The following TMPRSS11B variants were observed in gnomAD, a reference collection of about 807,000 sequenced individuals.
TMPRSS11B encodes transmembrane serine protease 11B.
Under a neutral mutation model 44.7 loss-of-function variants are expected in TMPRSS11B, and 53 were observed. That is an observed-to-expected ratio of 1.19 (90% CI 0.95 to 1.49). The LOEUF (loss-of-function observed/expected upper bound fraction) is 1.49, where lower values mean the gene tolerates loss of function less well. Ranked by LOEUF, TMPRSS11B falls within the 40% of genes most tolerant of loss-of-function variation. The pLI is 0.00. For synonymous variants in TMPRSS11B, 140 were observed against 159.2 expected (o/e 0.88, Z 0.91); for missense variants, 526 against 494.8 (o/e 1.06, Z -0.60).
Position 68,228,818 on chromosome 4 carries a change from G to A in TMPRSS11B, c.1013C>T (p.Ser338Leu), listed in dbSNP as rs1281475014. ...AGTCACAAAGCCAGAGTATGCATAT[G>A]AGGCATTGCAAATTTTGTTGTCAAT... The part of the protein sequence containing the change: ...KIIDNKICNA[S>L]YAYSGFVTDT... The change falls in exon 9 of 10, where the codon TCA becomes TTA. Residue 338 changes from serine (S) to leucine (L), a missense_variant. Ser to Leu is a moderately radical substitution (Grantham distance 145). Coordinates refer to ENST00000332644, the MANE Select transcript of TMPRSS11B (RefSeq NM_182502.3). 1.2e-6 allele frequency: 2 copies of A among 1,613,670 alleles called. No homozygotes were observed. The highest frequency in any genetic ancestry group is 2.2e-5 in the East Asian group (1 of 44,868).
intron 2 of TMPRSS11B, among the ~76,000 whole-genome samples, chr4:68,236,818 C>T (rs1285434166): frequency 6.6e-6 from 1 of 152,082 alleles, no homozygotes; most frequent in Non-Finnish European, 1.5e-5. Flanking sequence ...CCTTCACTTT[C>T]TGGATGATAT....
intron 1 of TMPRSS11B, among the ~76,000 whole-genome samples, chr4:68,243,285 A>T (rs1719907662): frequency 6.6e-6 from 1 of 152,160 alleles, no homozygotes; most frequent in Non-Finnish European, 1.5e-5. Flanking sequence ...TGAGTATGTG[A>T]ACCTTTTTGT....
intron 1 of TMPRSS11B, among the ~76,000 whole-genome samples, chr4:68,242,357 T>TTA (rs1553896890): frequency 9.8e-5 from 6 of 61,072 alleles, no homozygotes; most frequent in African/African-American, 4.2e-4. Flanking sequence ...ATATATAATA[T>TTA]TATATTATAT....
chr4:68,242,453 TTGCAG>T (rs1719887939), intron 1 of TMPRSS11B, among the ~76,000 whole-genome samples: 3 of 132,132 alleles, frequency 2.3e-5, no homozygotes, highest in African/African-American at 8.6e-5. Flanking sequence ...GGTTTGATAA[TTGCAG>T]ATGGAAATAC....
chr4:68,226,784 A>G lies in TMPRSS11B; in HGVS notation c.*1127T>C, dbSNP rs534048178. 2.6e-5 allele frequency: 4 copies of G among 152,354 alleles called. No homozygotes were observed. The South Asian group carries it at 8.3e-4, about 32-fold the overall frequency. The allele number at this position is 152,354 out of a possible 1,614,324, so 9.4% of individuals were successfully genotyped here. On this transcript the variant is annotated 3_prime_UTR_variant, in exon 10 of 10. Coordinates refer to ENST00000332644, the MANE Select transcript of TMPRSS11B (RefSeq NM_182502.3). ...TAGCCATCCATATGATTGCACTTTT[A>G]CTATAAGGAGATGCCACACAGTTCT... is the stretch of plus-strand genomic sequence containing the variant.
rs372696037 is a variant in TMPRSS11B, at chr4:68,229,426, A to C, written c.777T>G (p.His259Gln). 4 of 1,614,060 alleles carry C rather than the reference A, an allele frequency of 2.5e-6. No homozygotes were observed. The highest frequency in any genetic ancestry group is 3.4e-6 in the Non-Finnish European group (4 of 1,179,976). The change falls in exon 8 of 10, where the codon CAT (histidine) becomes CAG (glutamine). Residue 259 changes from histidine (H) to glutamine (Q), a missense_variant. His to Gln is a conservative substitution (Grantham distance 24). Coordinates refer to ENST00000332644, the MANE Select transcript of TMPRSS11B (RefSeq NM_182502.3). ...GAAGCCCAGGACTGCTATAATTTTC[A>C]TGAAAAATAATGTTTTGGACTTTCC... ...MTRKVQNIIFHENYSSPGLHD... is the reference protein window; with the variant it reads ...MTRKVQNIIFQENYSSPGLHD...
chr4:68,239,235 G>T (rs551816705), intron 2 of TMPRSS11B, among the ~76,000 whole-genome samples: 2 of 152,254 alleles, frequency 1.3e-5, no homozygotes, highest in South Asian at 4.2e-4. Context: ...GAGAAAGAGA[G>T]ACCAGATCTC....
chr4:68,238,216 A>G (rs181578490), intron 2 of TMPRSS11B, among the ~76,000 whole-genome samples: 2 of 152,260 alleles, frequency 1.3e-5, no homozygotes, highest in Non-Finnish European at 2.9e-5. Flanking sequence ...ATTTTAAAAT[A>G]AAATAAAAAC....
At chr4:68,236,308 G>A in intron 2 of TMPRSS11B, 42 bp from the exon 3 acceptor site, 3 of 1,319,116 alleles carry the variant, frequency 2.3e-6, no homozygotes, top group Non-Finnish European at 3.2e-6. Flanking sequence ...ATTTTAAAGT[G>A]GAAAGTGACT....
intron 2 of TMPRSS11B, among the ~76,000 whole-genome samples, chr4:68,239,249 T>TGCGCGCTCTCTCTCGCGC (rs574794965): frequency 4.0e-5 from 6 of 151,042 alleles, no homozygotes; most frequent in South Asian, 2.1e-4. Context: ...AGATCTCTCT[T>TGCGCGCTCTCTCTCGCGC]GCGCGCTCTC....
chr4:68,244,679 C>T (rs1311909324), intron 1 of TMPRSS11B, among the ~76,000 whole-genome samples: 10 of 152,234 alleles, frequency 6.6e-5, no homozygotes, highest in Admixed American at 6.5e-4. Context: ...AATTTTAAAA[C>T]ATCAGTCTTG....
At chr4:68,242,294 CATAATATAATATATATAAT>C (rs1560445561) in intron 1 of TMPRSS11B, among the ~76,000 whole-genome samples, 2 of 10,800 alleles carry the variant, frequency 1.9e-4, no homozygotes, top group Admixed American at 1.4e-3. Context: ...TTATATTATA[CATAATATAATATATATAAT>C]ATTATATATA....
intron 4 of TMPRSS11B, among the ~76,000 whole-genome samples, chr4:68,234,988 A>C (rs1048385791): frequency 1.3e-5 from 2 of 152,202 alleles, no homozygotes; most frequent in Admixed American, 1.3e-4. Flanking sequence ...GAAAGAGATA[A>C]ATGAGAAAAT....
At chr4:68,234,212 A>G (rs1213050849) in intron 5 of TMPRSS11B, among the ~76,000 whole-genome samples, 1 of 151,328 alleles carries the variant, frequency 6.6e-6, no homozygotes, top group African/African-American at 2.4e-5. Context: ...CCCCTTTCCC[A>G]TGCATAATAG....
chr4:68,244,851 C>T (rs955745988), intron 1 of TMPRSS11B, among the ~76,000 whole-genome samples: 6 of 152,164 alleles, frequency 3.9e-5, no homozygotes, highest in African/African-American at 1.4e-4. Context: ...CCTGAATTAT[C>T]TCATATAATG....
At chr4:68,236,385 G>T in intron 2 of TMPRSS11B, 119 bp from the exon 3 acceptor site, 1 of 644,552 alleles carries the variant, frequency 1.6e-6, no homozygotes, top group Non-Finnish European at 2.7e-6. Context: ...TTATACCTCT[G>T]CCTCAACCAT....
At chr4:68,230,803 CAA>C (rs34025669) in intron 7 of TMPRSS11B, among the ~76,000 whole-genome samples, 14 of 128,756 alleles carry the variant, frequency 1.1e-4, no homozygotes, top group Admixed American at 3.2e-4. Flanking sequence ...GACTCCATCT[CAA>C]AAAAAAAAAA....
chr4:68,244,875 C>G (rs564328115), intron 1 of TMPRSS11B, among the ~76,000 whole-genome samples: 3 of 152,164 alleles, frequency 2.0e-5, no homozygotes, highest in Non-Finnish European at 2.9e-5. Flanking sequence ...TGTGTTAAAG[C>G]ATGACTGTGG....
intron 1 of TMPRSS11B, among the ~76,000 whole-genome samples, chr4:68,242,579 C>CT (rs201883626): frequency 0.036 from 5,254 of 144,730 alleles, 314 homozygotes; most frequent in African/African-American, 0.13. Flanking sequence ...TTCTTTCTTT[C>CT]TTTTTTTTGA....
Sources: gnomAD v4.1 joint callset for allele counts (sites outside exome capture counted in the v4.1 genomes callset) on GRCh38, gnomAD v4.1.1 for gene constraint, MANE v1.5 for transcripts, NCBI Gene and HGNC (gene_info 2026-07-23, HGNC 2026-07-21) for gene names.